The following RHBDL3 variants were observed in gnomAD, a reference collection of about 807,000 sequenced individuals.
The protein encoded by RHBDL3 is rhomboid like 3, also known as rhomboid-related protein 3.
In RHBDL3, 28 loss-of-function variants were observed where a neutral mutation model predicts 48.2. The observed-to-expected ratio is 0.58, with a 90% CI of 0.43 to 0.80. The LOEUF is 0.80. Among genes scored for constraint, RHBDL3 ranks in the 30% least tolerant of loss-of-function variants. The pLI is 0.00. For missense variants in RHBDL3, 464 were observed against 542.7 expected (o/e 0.85, Z 1.44); for synonymous variants, 208 against 232.3 (o/e 0.90, Z 0.95).
At position 32,321,096 on chromosome 17, in the gene RHBDL3, A is replaced by T; in HGVS notation, c.1082A>T (p.Tyr361Phe). Reference protein sequence around the residue: ...ITLGVVVLRNYEQRLQDQSLW... With the variant: ...ITLGVVVLRNFEQRLQDQSLW... The stretch of plus-strand genomic sequence containing the variant: ...CTGGGCGTGGTGGTCCTGAGGAACT[A>T]CGAGCAGAGGCTCCAGGACCAGTCA... Residue 361 changes from tyrosine (Y) to phenylalanine (F), a missense_variant, in exon 9 of 9, where the codon TAC (tyrosine) becomes TTC (phenylalanine). Physicochemically the swap from Tyr to Phe is conservative, Grantham distance 22. Coordinates refer to ENST00000269051, the MANE Select transcript of RHBDL3 (RefSeq NM_138328.3). 6.2e-7 allele frequency: 1 copy of T among 1,614,228 alleles called. No individual in the cohort carries two copies. The highest frequency in any genetic ancestry group is 8.5e-7 in the Non-Finnish European group (1 of 1,180,040).
rs1308768761 is a variant in RHBDL3 at position 32,266,245 on chromosome 17, G to T, written c.56G>T (p.Arg19Leu). ...GTGGCCGCCTGCGCCGAGGCGGAGC[G>T]CATCGAGGAGCTGGAACCCGAGGCC... ...PAVAACAEAE[R>L]IEELEPEAEE... The change falls in exon 1 of 9, where the codon CGC becomes CTC. Residue 19 changes from arginine (R) to leucine (L), a missense_variant. Arg to Leu is a moderately radical substitution (Grantham distance 102). Coordinates refer to ENST00000269051, the MANE Select transcript of RHBDL3 (RefSeq NM_138328.3). The T allele has an allele frequency of 1.4e-6, 2 of 1,458,524 alleles. No individual in the cohort carries two copies. The highest frequency in any genetic ancestry group is 3.0e-5 in the East Asian group (1 of 32,806). The allele number at this position is 1,458,524 out of a possible 1,614,324, so 90.3% of individuals were successfully genotyped here.
intron 4 of RHBDL3, among the ~76,000 whole-genome samples, chr17:32,291,386 A>G (rs1159501908): frequency 6.6e-6 from 1 of 151,864 alleles, no homozygotes; most frequent in African/African-American, 2.4e-5. Context: ...GTGTATGAGC[A>G]AAAACACTAT....
At chr17:32,293,746 C>T (rs747663277) in intron 4 of RHBDL3, among the ~76,000 whole-genome samples, 4 of 152,042 alleles carry the variant, frequency 2.6e-5, no homozygotes, top group Non-Finnish European at 5.9e-5. Flanking sequence ...CTGCTTAGCA[C>T]GGAGGAAGTG....
intron 2 of RHBDL3, among the ~76,000 whole-genome samples, chr17:32,270,798 C>T (rs377484240): frequency 1.3e-5 from 2 of 152,118 alleles, no homozygotes; most frequent in East Asian, 3.8e-4. Context: ...TTGAGGGAAT[C>T]GTCTTTTCAT....
intron 1 of RHBDL3, 71 bp downstream of exon 1, chr17:32,266,371 C>T: frequency 1.3e-6 from 1 of 784,526 alleles, no homozygotes; most frequent in South Asian, 2.1e-5. Flanking sequence ...CTGTCTCGCC[C>T]CACGCCGGGC....
intron 3 of RHBDL3, chr17:32,288,389 G>C: frequency 9.8e-6 from 2 of 204,972 alleles, no homozygotes; most frequent in Non-Finnish European, 2.0e-5. Context: ...CTGACACTTA[G>C]TAGTTGCTCA....
At chr17:32,276,794 A>ACACGTG (rs1187507260) in intron 2 of RHBDL3, among the ~76,000 whole-genome samples, 11 of 101,800 alleles carry the variant, frequency 1.1e-4, no homozygotes, top group African/African-American at 7.2e-4. Context: ...CGGCCCTAGC[A>ACACGTG]CCTTACTCCG....
chr17:32,290,135 C>T (rs112430934), intron 4 of RHBDL3, among the ~76,000 whole-genome samples: 2,508 of 152,320 alleles, frequency 0.016, 66 homozygotes, highest in African/African-American at 0.057. Context: ...GTGGACAGAA[C>T]GGCTCCTCAG....
chr17:32,308,131 A>G (rs765131549), intron 7 of RHBDL3, among the ~76,000 whole-genome samples: 1 of 152,188 alleles, frequency 6.6e-6, no homozygotes, highest in Non-Finnish European at 1.5e-5. Flanking sequence ...GTTTTGTTCC[A>G]GTTGATGCTT....
At chr17:32,296,678 CTT>C (rs1480785136) in intron 5 of RHBDL3, among the ~76,000 whole-genome samples, 1 of 151,934 alleles carries the variant, frequency 6.6e-6, no homozygotes, top group Non-Finnish European at 1.5e-5. Flanking sequence ...TCTTATGAGA[CTT>C]TAAGGGAAAG....
chr17:32,276,416 G>C (rs2039900255), intron 2 of RHBDL3, among the ~76,000 whole-genome samples: 1 of 152,142 alleles, frequency 6.6e-6, no homozygotes, highest in Non-Finnish European at 1.5e-5. Flanking sequence ...GACCTTGGCA[G>C]CTGCAGCCTG....
At chr17:32,288,303 T>A (rs145683144) in intron 3 of RHBDL3, 2,345 of 156,410 alleles carry the variant, frequency 0.015, 46 homozygotes, top group South Asian at 0.08. Context: ...ACAGCAACCA[T>A]CACTCTGAAC....
chr17:32,272,988 ATTTTGT>A (rs139544845), intron 2 of RHBDL3, among the ~76,000 whole-genome samples: 1,679 of 152,104 alleles, frequency 0.011, 24 homozygotes, highest in African/African-American at 0.038. Context: ...CAGTCTGCTC[ATTTTGT>A]TTTTGTTTTT....
rs1228395149 is a variant in RHBDL3, at chr17:32,305,305, G to A, written c.782-36G>A. 2.9e-5 allele frequency: 43 copies of A among 1,463,266 alleles called. 1 individual carries two copies. Among genetic ancestry groups the A allele is most frequent in the Non-Finnish European group, 2.9e-5 (30 of 1,042,626 alleles). 90.6% of individuals were successfully genotyped at this position (1,463,266 alleles called of 1,614,324 possible). ...GGCTGGGTTGGGTGAGCCGAGTCCC[G>A]CACTCCTGAGAATTCTCGCTGTCTT... is the stretch of plus-strand genomic sequence containing the variant. On this transcript the variant is annotated intron_variant, in intron 6 of 8. Coordinates refer to ENST00000269051, the MANE Select transcript of RHBDL3 (RefSeq NM_138328.3).
At position 32,321,547 on chromosome 17, in the gene RHBDL3, T is replaced by G; in HGVS notation, c.*318T>G. The G allele has an allele frequency of 2.0e-6, 1 of 506,772 alleles. No individual in the cohort carries two copies. Among genetic ancestry groups the G allele is most frequent in the East Asian group, 3.9e-5 (1 of 25,706 alleles). 31.4% of individuals were successfully genotyped at this position (506,772 alleles called of 1,614,324 possible). ...GGGCTTCTTCCATGGGGCCAGGGGG[T>G]GCCCCCTCACTGCTGCGGATTGAGC... is the stretch of plus-strand genomic sequence containing the variant. On this transcript the variant is annotated 3_prime_UTR_variant, in exon 9 of 9. Coordinates refer to ENST00000269051, the MANE Select transcript of RHBDL3 (RefSeq NM_138328.3).
chr17:32,268,351 G>A (rs2039687347), intron 2 of RHBDL3, among the ~76,000 whole-genome samples: 1 of 152,136 alleles, frequency 6.6e-6, no homozygotes, highest in Admixed American at 6.5e-5. Flanking sequence ...CATCCTTGGG[G>A]GCTGACTCAC....
rs66986205 is a variant in RHBDL3, at chr17:32,270,132, CAAAAAAA to C, written c.135+2226_135+2232del. 9.1e-3 allele frequency among the ~76,000 whole-genome samples: 619 copies of C among 68,140 alleles called. 10 individuals are homozygous for C. The highest frequency in any genetic ancestry group is 0.031 in the African/African-American group (556 of 17,672). 44.7% of individuals were successfully genotyped at this position (68,140 alleles called of 152,430 possible). On this transcript the variant is annotated intron_variant, in intron 2 of 8. Transcript: ENST00000269051. ...CCTCCCAAAAAGTGAGACCCTTTCT[CAAAAAAA>C]AAAAAAAAAAAAAAAAAAGAAGCAA...
At chr17:32,286,695 G>A (rs1410630300) in intron 3 of RHBDL3, among the ~76,000 whole-genome samples, 1 of 152,192 alleles carries the variant, frequency 6.6e-6, no homozygotes, top group African/African-American at 2.4e-5. Flanking sequence ...GCCTTTTTCA[G>A]AGCTCCCACA....
intron 4 of RHBDL3, among the ~76,000 whole-genome samples, chr17:32,293,372 A>G (rs2040377552): frequency 1.3e-5 from 2 of 152,192 alleles, no homozygotes; most frequent in African/African-American, 4.8e-5. Context: ...ACATGAGGTT[A>G]GGAGTTCTAA....
Sources: gnomAD v4.1 joint callset for allele counts (sites outside exome capture counted in the v4.1 genomes callset) on GRCh38, gnomAD v4.1.1 for gene constraint, MANE v1.5 for transcripts, NCBI Gene and HGNC (gene_info 2026-07-23, HGNC 2026-07-21) for gene names.